The following IL1RAPL1 variants were observed in gnomAD, a reference collection of about 807,000 sequenced individuals.
IL1RAPL1 encodes interleukin 1 receptor accessory protein like 1.
A neutral mutation model predicts 48.4 loss-of-function variants in IL1RAPL1; 3 were observed. The ratio of observed to expected loss-of-function variants is 0.06; its 90% CI spans 0.03 to 0.16. The LOEUF is 0.16. Among genes scored for constraint, IL1RAPL1 ranks in the 10% least tolerant of loss-of-function variants. IL1RAPL1 has a pLI of 1.00. For synonymous variants in IL1RAPL1, 185 were observed against 187.7 expected (o/e 0.99, Z 0.12); for missense variants, 349 against 530.6 (o/e 0.66, Z 3.36).
chrX:29,884,061 A>G (rs1305461895), intron 6 of IL1RAPL1, among the ~76,000 whole-genome samples: 1 of 111,578 alleles, frequency 9.0e-6, no homozygotes, highest in Non-Finnish European at 1.9e-5. Flanking sequence ...ACCTAACTGC[A>G]GGAATTTGGT....
intron 3 of IL1RAPL1, among the ~76,000 whole-genome samples, chrX:29,315,891 G>A (rs1196260845): frequency 2.7e-5 from 3 of 112,167 alleles, no homozygotes; most frequent in African/African-American, 9.7e-5. Flanking sequence ...AGAAGTAGAT[G>A]TTGGGATAAA....
intron 1 of IL1RAPL1, among the ~76,000 whole-genome samples, chrX:28,647,289 T>C (rs770157071): frequency 8.9e-6 from 1 of 112,135 alleles, no homozygotes; most frequent in East Asian, 2.8e-4. Context: ...CTGCAAAATA[T>C]ATTCCAAATC....
intron 6 of IL1RAPL1, among the ~76,000 whole-genome samples, chrX:29,709,874 C>A (rs1927293816): frequency 9.0e-6 from 1 of 111,583 alleles, no homozygotes; most frequent in African/African-American, 3.3e-5. Context: ...GTGTACAGAT[C>A]TTTCACCTCT....
intron 5 of IL1RAPL1, among the ~76,000 whole-genome samples, chrX:29,633,929 G>A: frequency 1.8e-5 from 2 of 111,263 alleles, no homozygotes; most frequent in Middle Eastern, 4.6e-3. Flanking sequence ...TCCAAATAAG[G>A]TCACATTCAC....
chrX:28,981,901 C>T (rs1925351129), intron 2 of IL1RAPL1, among the ~76,000 whole-genome samples: 1 of 111,538 alleles, frequency 9.0e-6, no homozygotes, highest in South Asian at 3.8e-4. Flanking sequence ...TTGCCTGCCT[C>T]ACTGTTCATA....
intron 2 of IL1RAPL1, among the ~76,000 whole-genome samples, chrX:29,070,652 C>T (rs1265816758): frequency 1.8e-5 from 2 of 111,200 alleles, no homozygotes; most frequent in Non-Finnish European, 3.8e-5. Context: ...GTCTGGATCT[C>T]CTAGTATACG....
At chrX:29,751,121 T>C (rs997606693) in intron 6 of IL1RAPL1, among the ~76,000 whole-genome samples, 1 of 111,313 alleles carries the variant, frequency 9.0e-6, no homozygotes, top group Non-Finnish European at 1.9e-5. Context: ...CATATATATA[T>C]ACACATATGA....
At chrX:28,745,699 C>T (rs941695424) in intron 1 of IL1RAPL1, among the ~76,000 whole-genome samples, 1 of 111,557 alleles carries the variant, frequency 9.0e-6, no homozygotes, top group Non-Finnish European at 1.9e-5. Context: ...GATTTTAAGA[C>T]TAAGGCCTTG....
At chrX:29,029,935 G>A (rs1392568647) in intron 2 of IL1RAPL1, among the ~76,000 whole-genome samples, 5 of 107,261 alleles carry the variant, frequency 4.7e-5, no homozygotes, top group Non-Finnish European at 7.7e-5. Flanking sequence ...AGTCTTTATC[G>A]AGATTCTTTT....
chrX:28,887,539 C>A (rs954105694), intron 2 of IL1RAPL1, among the ~76,000 whole-genome samples: 9 of 111,835 alleles, frequency 8.0e-5, no homozygotes, highest in African/African-American at 2.6e-4. Flanking sequence ...CTTCCCTGAT[C>A]ATCTCTCCTG....
intron 5 of IL1RAPL1, among the ~76,000 whole-genome samples, chrX:29,433,673 G>T (rs1934447165): frequency 9.0e-6 from 1 of 110,966 alleles, no homozygotes; most frequent in African/African-American, 3.3e-5. Context: ...TTTAATCTTT[G>T]CCAAACTTAT....
At chrX:29,843,846 C>T (rs750124748) in intron 6 of IL1RAPL1, among the ~76,000 whole-genome samples, 12 of 109,608 alleles carry the variant, frequency 1.1e-4, no homozygotes, top group African/African-American at 3.7e-4. Context: ...TTCCCTGACT[C>T]GGACCATTCT....
chrX:29,686,521 C>T (rs1926621681), intron 6 of IL1RAPL1, among the ~76,000 whole-genome samples: 1 of 101,600 alleles, frequency 9.8e-6, no homozygotes, highest in South Asian at 4.8e-4. Context: ...CTGCCTCCCC[C>T]CACCCCCCTA....
chrX:28,908,497 C>T (rs1246182418), intron 2 of IL1RAPL1, among the ~76,000 whole-genome samples: 1 of 111,669 alleles, frequency 9.0e-6, no homozygotes, highest in Non-Finnish European at 1.9e-5. Context: ...TGGAGATTTT[C>T]AAACTGTCTT....
chrX:29,655,707 A>C (rs1925659532), intron 5 of IL1RAPL1, among the ~76,000 whole-genome samples: 1 of 108,021 alleles, frequency 9.3e-6, no homozygotes, highest in African/African-American at 3.4e-5. Context: ...TATTTGAAGT[A>C]TGTGACCATT....
chrX:29,174,387 G>A (rs1433816718), intron 2 of IL1RAPL1, among the ~76,000 whole-genome samples: 1 of 112,069 alleles, frequency 8.9e-6, no homozygotes, highest in African/African-American at 3.2e-5. Flanking sequence ...CATCACTTGT[G>A]CCGTGACTCG....
At chrX:29,069,231 G>A (rs1262268992) in intron 2 of IL1RAPL1, among the ~76,000 whole-genome samples, 1 of 111,914 alleles carries the variant, frequency 8.9e-6, no homozygotes, top group Non-Finnish European at 1.9e-5. Flanking sequence ...GAAGTGCATA[G>A]TGAAATGTTT....
At chrX:29,847,149 C>T (rs776093511) in intron 6 of IL1RAPL1, among the ~76,000 whole-genome samples, 6 of 111,796 alleles carry the variant, frequency 5.4e-5, no homozygotes, top group Admixed American at 3.8e-4. Flanking sequence ...CTCTGTAATT[C>T]GAGTAGATAA....
At chrX:28,923,052 T>C (rs1039559253) in intron 2 of IL1RAPL1, among the ~76,000 whole-genome samples, 1 of 112,254 alleles carries the variant, frequency 8.9e-6, no homozygotes, top group Non-Finnish European at 1.9e-5. Context: ...ATTAAAAATA[T>C]AATATTCTTT....
Sources: allele counts gnomAD v4.1 joint callset (sites outside exome capture counted in the v4.1 genomes callset), GRCh38; gene constraint gnomAD v4.1.1; transcripts MANE v1.5; gene names NCBI Gene and HGNC (gene_info 2026-07-23, HGNC 2026-07-21).